PLA2G4A: variants seen among roughly 807,000 people sequenced by gnomAD.
PLA2G4A encodes the protein phospholipase A2 group IVA.
Under a neutral mutation model 81.9 loss-of-function variants are expected in PLA2G4A, and 40 were observed. The observed-to-expected ratio is 0.49, with a 90% CI of 0.38 to 0.64. PLA2G4A has a LOEUF of 0.64. Among genes scored for constraint, PLA2G4A ranks in the 30% least tolerant of loss-of-function variants. The pLI is 0.00. For synonymous variants in PLA2G4A, 302 were observed against 296.9 expected, an observed-to-expected ratio of 1.02 and a Z score of -0.18; for missense variants, 715 against 905.1, an observed-to-expected ratio of 0.79 and a Z score of 2.69.
At chr1:186,854,417 C>G (rs1652481075) in intron 2 of PLA2G4A, 30 bp downstream of exon 2, 1 of 1,405,784 alleles carries the variant, frequency 7.1e-7, no homozygotes, top group Non-Finnish European at 1.0e-6. Flanking sequence ...TGAATTCTTT[C>G]TTGGAGGGGG....
At chr1:186,840,731 C>A (rs1218323450) in intron 1 of PLA2G4A, among the ~76,000 whole-genome samples, 1 of 152,084 alleles carries the variant, frequency 6.6e-6, no homozygotes, top group African/African-American at 2.4e-5. Context: ...AACATTTAAG[C>A]CAGTTTGATG....
At chr1:186,975,816 T>A (rs1657510677) in intron 15 of PLA2G4A, among the ~76,000 whole-genome samples, 1 of 152,236 alleles carries the variant, frequency 6.6e-6, no homozygotes, top group Non-Finnish European at 1.5e-5. Flanking sequence ...GTCATCCAGC[T>A]AGCAAGTTTT....
chr1:186,912,971 A>G (rs1558430693), intron 7 of PLA2G4A, among the ~76,000 whole-genome samples: 1 of 150,892 alleles, frequency 6.6e-6, no homozygotes. Context: ...GCTAAAATTA[A>G]ACTGTGGAAA....
rs1654759844 is a variant in PLA2G4A at position 186,906,967 on chromosome 1, C to T, written c.381C>T (p.Val127=). 1 of 1,491,960 alleles carries T rather than the reference C, an allele frequency of 6.7e-7. No homozygotes were observed. 92.4% of individuals were successfully genotyped at this position (1,491,960 alleles called of 1,614,324 possible). A position where few individuals can be genotyped will look rare whatever the true frequency, so the allele number is the denominator to read the frequency against. Residue 127 remains valine (V), a splice_region_variant and synonymous_variant, in exon 6 of 18, where the codon GTC becomes GTT. Transcript: ENST00000367466. ...CTGATTAACATGTCTTTTTTTAGGT[C>T]ACTGAAATGGTTCTAGAAATGTCTC... The part of the protein sequence containing the change: ...KKEVPFIFNQ[V]TEMVLEMSLE...
At chr1:186,969,231 GT>G (rs1370152494) in intron 15 of PLA2G4A, among the ~76,000 whole-genome samples, 2 of 149,686 alleles carry the variant, frequency 1.3e-5, no homozygotes, top group Admixed American at 1.3e-4. Flanking sequence ...TTTTTTCACT[GT>G]ATTTTCTCTT....
chr1:186,951,604 C>G (rs1287848454), intron 13 of PLA2G4A, among the ~76,000 whole-genome samples: 1 of 152,132 alleles, frequency 6.6e-6, no homozygotes, highest in Non-Finnish European at 1.5e-5. Flanking sequence ...TGGTCCAAAA[C>G]TTAATTAATT....
At chr1:186,872,346 G>T (rs1226921434) in intron 3 of PLA2G4A, among the ~76,000 whole-genome samples, 2 of 152,026 alleles carry the variant, frequency 1.3e-5, no homozygotes, top group East Asian at 3.9e-4. Context: ...ATACTCTTAA[G>T]AAAAGGCGTG....
rs756342762 is a variant in PLA2G4A, at chr1:186,906,958, T to C, written c.379-7T>C. ...TGACCTAATCTGATTAACATGTCTT[T>C]TTTTAGGTCACTGAAATGGTTCTAG... On this transcript the variant is annotated splice_polypyrimidine_tract_variant and splice_region_variant and intron_variant, in intron 5 of 17. Coordinates refer to ENST00000367466, the MANE Select transcript of PLA2G4A (RefSeq NM_024420.3). The C allele has an allele frequency of 2.7e-6, 4 of 1,455,988 alleles. No individual in the cohort carries two copies. Among genetic ancestry groups the C allele is most frequent in the East Asian group, 4.5e-5 (2 of 43,966 alleles). 90.2% of individuals were successfully genotyped at this position (1,455,988 alleles called of 1,614,324 possible). A position where few individuals can be genotyped will look rare whatever the true frequency, so the allele number is the denominator to read the frequency against.
At chr1:186,936,389 C>G (rs1434229845) in intron 8 of PLA2G4A, among the ~76,000 whole-genome samples, 1 of 151,974 alleles carries the variant, frequency 6.6e-6, no homozygotes, top group Non-Finnish European at 1.5e-5. Flanking sequence ...TAATGAATCT[C>G]TCTTACCTAG....
At chr1:186,899,046 A>T (rs1159127289) in intron 5 of PLA2G4A, among the ~76,000 whole-genome samples, 3 of 152,228 alleles carry the variant, frequency 2.0e-5, no homozygotes, top group Non-Finnish European at 4.4e-5. Context: ...TTAGCGAGAC[A>T]GATGAAAAGC....
At chr1:186,979,247 T>G in intron 16 of PLA2G4A, 68 bp from the exon 17 acceptor site, 1 of 1,169,234 alleles carries the variant, frequency 8.6e-7, no homozygotes, top group Non-Finnish European at 1.3e-6. Context: ...GTATGTTTTA[T>G]TCCTTGGGTT....
chr1:186,856,882 G>A (rs1029146349), intron 2 of PLA2G4A, among the ~76,000 whole-genome samples: 2 of 150,556 alleles, frequency 1.3e-5, no homozygotes, highest in South Asian at 4.2e-4. Context: ...AAGCATATGT[G>A]AAGTAGTCTG....
At chr1:186,951,453 T>TAAA (rs10647022) in intron 13 of PLA2G4A, among the ~76,000 whole-genome samples, 50 of 150,030 alleles carry the variant, frequency 3.3e-4, no homozygotes, top group Middle Eastern at 3.4e-3. Context: ...TCCCAATAGT[T>TAAA]AAAAAAAAGC....
rs191438846 is a variant in PLA2G4A, at chr1:186,838,667, G to C, written c.-70+9632G>C. Among the ~76,000 whole-genome samples, 485 of 152,222 alleles carry C rather than the reference G, an allele frequency of 3.2e-3. 5 individuals carry two copies. Among genetic ancestry groups the C allele is most frequent in the Non-Finnish European group, 5.4e-3 (366 of 68,018 alleles). On this transcript the variant is annotated intron_variant, in intron 1 of 17. Transcript: ENST00000367466. ...TGTTCTAGTTGGTAGACTTGTTGCT[G>C]TTGTCCTTTGAAGTTCTGAATGATT...
Position 186,929,718 on chromosome 1 carries a change from T to A in PLA2G4A, c.559-3045T>A, listed in dbSNP as rs2383553. ...CTCCAAATACCACTTTCTAGCTTTG[T>A]GACATTGGAAAAAAAATCTTCTTTA... On this transcript the variant is annotated intron_variant, in intron 7 of 17. Transcript: ENST00000367466. Among the ~76,000 whole-genome samples, 1,190 of 152,236 alleles carry A rather than the reference T, an allele frequency of 7.8e-3. 20 individuals carry two copies. The highest frequency in any genetic ancestry group is 0.027 in the African/African-American group (1,126 of 41,528).
intron 15 of PLA2G4A, among the ~76,000 whole-genome samples, chr1:186,966,488 T>C (rs532799329): frequency 1.3e-5 from 2 of 152,280 alleles, no homozygotes; most frequent in East Asian, 3.9e-4. Context: ...GAAGTATTCA[T>C]GTGATGACTT....
intron 3 of PLA2G4A, among the ~76,000 whole-genome samples, chr1:186,888,995 A>C (rs186780602): frequency 6.6e-6 from 1 of 152,302 alleles, no homozygotes; most frequent in Non-Finnish European, 1.5e-5. Flanking sequence ...ACCAACTGCT[A>C]TTCTAAATAT....
At chr1:186,920,913 T>C (rs1655327794) in intron 7 of PLA2G4A, among the ~76,000 whole-genome samples, 1 of 152,224 alleles carries the variant, frequency 6.6e-6, no homozygotes, top group Admixed American at 6.5e-5. Context: ...TCTGCAATTT[T>C]CTCCTGATAT....
chr1:186,963,101 T>C lies in PLA2G4A; in HGVS notation c.1580-2308T>C, dbSNP rs1657017223. ...AGTCGTATAAGAATAGTAAATCTTA[T>C]ATATGAAATTTCTGATACATAATAG... On this transcript the variant is annotated intron_variant, in intron 14 of 17. Coordinates refer to ENST00000367466, the MANE Select transcript of PLA2G4A (RefSeq NM_024420.3). 2.0e-5 allele frequency among the ~76,000 whole-genome samples: 3 copies of C among 152,188 alleles called. 1 individual carries two copies. The South Asian group carries it at 6.2e-4, about 31-fold the overall frequency.
Sources: gnomAD v4.1 joint callset for allele counts (sites outside exome capture counted in the v4.1 genomes callset) on GRCh38, gnomAD v4.1.1 for gene constraint, MANE v1.5 for transcripts, NCBI Gene and HGNC (gene_info 2026-07-23, HGNC 2026-07-21) for gene names.